The following EPB41 variants were observed in gnomAD, a reference collection of about 807,000 sequenced individuals.
The protein encoded by EPB41 is erythrocyte membrane protein band 4.1, also known as protein 4.1.
Under a neutral mutation model 108.0 loss-of-function variants are expected in EPB41, and 65 were observed. The observed-to-expected ratio is 0.60, with a 90% CI of 0.49 to 0.74. EPB41 has a LOEUF of 0.74. EPB41 is among the 30% of genes least tolerant of loss of function. The pLI, the probability that EPB41 is intolerant of heterozygous loss-of-function variation, is 0.00. For missense variants in EPB41, 875 were observed against 1,037.0 expected, an observed-to-expected ratio of 0.84 and a Z score of 2.15; for synonymous variants, 336 against 358.9, an observed-to-expected ratio of 0.94 and a Z score of 0.72.
At chr1:28,918,591 T>C (rs893137599) in intron 1 of EPB41, among the ~76,000 whole-genome samples, 1 of 152,326 alleles carries the variant, frequency 6.6e-6, no homozygotes, top group South Asian at 2.1e-4. Context: ...ATGGGCCTTA[T>C]GTATGTGAAG....
intron 1 of EPB41, among the ~76,000 whole-genome samples, chr1:28,916,345 A>C (rs933622055): frequency 6.6e-6 from 1 of 152,224 alleles, no homozygotes; most frequent in Non-Finnish European, 1.5e-5. Context: ...CACTATTAAA[A>C]GTGAACTATG....
At chr1:29,007,265 C>T (rs1014486283) in intron 4 of EPB41, among the ~76,000 whole-genome samples, 2 of 152,128 alleles carry the variant, frequency 1.3e-5, no homozygotes, top group African/African-American at 4.8e-5. Flanking sequence ...CTACACCACA[C>T]TTTATGTACT....
At chr1:29,106,451 TTTTA>T (rs1319380974) in intron 17 of EPB41, among the ~76,000 whole-genome samples, 4 of 152,004 alleles carry the variant, frequency 2.6e-5, no homozygotes, top group South Asian at 2.1e-4. Flanking sequence ...TTATTTTTTA[TTTTA>T]TTTATTTATT....
At chr1:28,997,826 A>T (rs977880521) in intron 4 of EPB41, among the ~76,000 whole-genome samples, 1 of 152,156 alleles carries the variant, frequency 6.6e-6, no homozygotes, top group Non-Finnish European at 1.5e-5. Context: ...ATTTCCTCCA[A>T]CCTAAAAGGA....
rs147348982 is a variant in EPB41 at position 29,002,344 on chromosome 1, C to T, written c.786+5025C>T. ...GCACATACCTCTAGTCCCAGCTACTCGGTAGGTTGAGGTGGGAGGATAACC... is the reference window on the plus strand; with the variant it reads ...GCACATACCTCTAGTCCCAGCTACTTGGTAGGTTGAGGTGGGAGGATAACC... On this transcript the variant is annotated intron_variant, in intron 4 of 20. Transcript: ENST00000343067. Among the ~76,000 whole-genome samples the T allele has an allele frequency of 7.9e-5, 12 of 151,462 alleles. No homozygotes were observed. In the East Asian group the frequency reaches 1.2e-3, roughly 15 times the overall value.
chr1:29,006,269 C>T (rs965534253), intron 4 of EPB41, among the ~76,000 whole-genome samples: 1 of 145,532 alleles, frequency 6.9e-6, no homozygotes, highest in Admixed American at 7.0e-5. Context: ...CGGAGTCTCG[C>T]TCTGTCGCCT....
chr1:29,030,773 C>G (rs1328463865), intron 8 of EPB41, among the ~76,000 whole-genome samples: 1 of 148,324 alleles, frequency 6.7e-6, no homozygotes, highest in Non-Finnish European at 1.5e-5. Flanking sequence ...AAGACCCCGT[C>G]TCAAAAAAAA....
intron 16 of EPB41, among the ~76,000 whole-genome samples, chr1:29,084,392 T>G (rs1657961421): frequency 6.6e-6 from 1 of 152,218 alleles, no homozygotes; most frequent in Non-Finnish European, 1.5e-5. Flanking sequence ...GTTATATCAT[T>G]AAGCAGTACT....
chr1:29,082,630 C>A (rs1657178405), intron 16 of EPB41, among the ~76,000 whole-genome samples: 1 of 152,158 alleles, frequency 6.6e-6, no homozygotes, highest in Admixed American at 6.5e-5. Flanking sequence ...TGAAATAAAA[C>A]TGACCACCAA....
At chr1:28,901,443 T>C (rs2091306859) in intron 1 of EPB41, among the ~76,000 whole-genome samples, 2 of 151,574 alleles carry the variant, frequency 1.3e-5, no homozygotes, top group Non-Finnish European at 1.5e-5. Context: ...CAGGGTGGTC[T>C]CGATCTCTTG....
At chr1:29,093,904 C>T (rs1217895670) in intron 16 of EPB41, among the ~76,000 whole-genome samples, 1 of 152,152 alleles carries the variant, frequency 6.6e-6, no homozygotes, top group Non-Finnish European at 1.5e-5. Flanking sequence ...GACTCTGTCT[C>T]CAAATATATA....
At chr1:28,941,002 A>G (rs965996503) in intron 1 of EPB41, among the ~76,000 whole-genome samples, 1 of 152,192 alleles carries the variant, frequency 6.6e-6, no homozygotes, top group Admixed American at 6.5e-5. Context: ...AAAAATCAGT[A>G]GATGGTGAAT....
At chr1:28,968,063 A>C (rs879324497) in intron 1 of EPB41, among the ~76,000 whole-genome samples, 21 of 151,992 alleles carry the variant, frequency 1.4e-4, no homozygotes, top group Admixed American at 1.2e-3. Context: ...GGCTGTTTTT[A>C]AAACTTCGTT....
chr1:29,048,603 T>C (rs957040303), intron 11 of EPB41, among the ~76,000 whole-genome samples: 7 of 152,208 alleles, frequency 4.6e-5, no homozygotes, highest in African/African-American at 1.7e-4. Context: ...AACTTAACCT[T>C]AGAATGTAAG....
intron 9 of EPB41, 125 bp from the exon 10 acceptor site, chr1:29,035,701 A>G: frequency 2.8e-6 from 2 of 719,474 alleles, no homozygotes; most frequent in Non-Finnish European, 4.7e-6. Context: ...ATGACATTTT[A>G]TGTCCTTAAA....
chr1:28,948,505 CAAAAAA>C (rs34508731), intron 1 of EPB41, among the ~76,000 whole-genome samples: 2 of 90,992 alleles, frequency 2.2e-5, no homozygotes, highest in Admixed American at 1.2e-4. Flanking sequence ...GACTCCGTAT[CAAAAAA>C]AAAAAAAAAA....
In EPB41 at chr1:28,902,848, T is replaced by C. The variant is rs1168002261; in HGVS notation, c.-8+15638T>C. 2.6e-5 allele frequency among the ~76,000 whole-genome samples: 4 copies of C among 152,296 alleles called. No homozygotes were observed. In the East Asian group the frequency reaches 7.7e-4, roughly 29 times the overall value. On this transcript the variant is annotated intron_variant, in intron 1 of 16. Coordinates refer to the EPB41 transcript ENST00000347529. ...GTGTTCTTAGGCATGTCACTGCCTC[T>C]TGTTGGGCCTCAGCTTTCTCACCTG...
At position 29,018,595 on chromosome 1, in the gene EPB41, T is replaced by A. The variant is rs1393522275; in HGVS notation, c.1124+153T>A. Among the ~76,000 whole-genome samples, 2 of 152,182 alleles carry A rather than the reference T, an allele frequency of 1.3e-5. No individual in the cohort carries two copies. Among genetic ancestry groups the A allele is most frequent in the African/African-American group, 2.4e-5 (1 of 41,436 alleles). On this transcript the variant is annotated intron_variant, in intron 7 of 20. Coordinates refer to ENST00000343067, the MANE Select transcript of EPB41 (RefSeq NM_001376013.1). The surrounding 1 kb of genome is among the most constrained non-coding windows in gnomAD (Gnocchi z 4.4). ...TTGACTTTGGGCAGGTTACTTAACC[T>A]CTCTTAATCTAAGCTTTCTCATCAG...
At chr1:28,917,708 G>T (rs1048398292) in intron 1 of EPB41, among the ~76,000 whole-genome samples, 1 of 152,032 alleles carries the variant, frequency 6.6e-6, no homozygotes, top group African/African-American at 2.4e-5. Flanking sequence ...AGCCTCCTGA[G>T]CAGCTGGGAC....
Sources: gnomAD v4.1 joint callset for allele counts (sites outside exome capture counted in the v4.1 genomes callset) on GRCh38, gnomAD v4.1.1 for gene constraint, Gnocchi (gnomAD v3.1) non-coding constraint, MANE v1.5 for transcripts, NCBI Gene and HGNC (gene_info 2026-07-23, HGNC 2026-07-21) for gene names.